SORBS2: variants seen among roughly 807,000 people sequenced by gnomAD.
SORBS2 encodes the protein sorbin and SH3 domain containing 2, also known as sorbin and SH3 domain-containing protein 2.
A neutral mutation model predicts 97.7 loss-of-function variants in SORBS2; 46 were observed. The observed-to-expected ratio is 0.47, with a 90% CI of 0.37 to 0.60. SORBS2 has a LOEUF of 0.60. Ranked by LOEUF, SORBS2 falls within the 20% of genes least tolerant of loss-of-function variation. The pLI is 0.00. For synonymous variants in SORBS2, 476 were observed against 473.4 expected (o/e 1.01, Z -0.07); for missense variants, 1,316 against 1,282.3 (o/e 1.03, Z -0.40).
chr4:185,669,652 A>T (rs1237251783), intron 4 of SORBS2, among the ~76,000 whole-genome samples: 1 of 152,190 alleles, frequency 6.6e-6, no homozygotes, highest in Non-Finnish European at 1.5e-5. Flanking sequence ...TTTCAATGCA[A>T]TCTTTGAAAG....
intron 2 of SORBS2, among the ~76,000 whole-genome samples, chr4:185,738,066 G>T (rs1432480202): frequency 6.6e-6 from 1 of 152,208 alleles, no homozygotes; most frequent in African/African-American, 2.4e-5. Flanking sequence ...ATGTTTTTGT[G>T]CTGTCCACGC....
Position 185,955,572 on chromosome 4 carries a change from T to A in SORBS2, c.-338+624A>T, listed in dbSNP as rs549921044. Among the ~76,000 whole-genome samples the A allele has an allele frequency of 8.4e-4, 128 of 152,312 alleles. 1 individual carries two copies. The highest frequency in any genetic ancestry group is 1.5e-3 in the Non-Finnish European group (104 of 68,022). On this transcript the variant is annotated intron_variant, in intron 1 of 20. Transcript: ENST00000284776. Reference sequence around the variant, plus strand: ...TCTTTTGTTACTCTAACATATTAAATTATCCTTCCAATTACCTTGGCAACT... The same window carrying A: ...TCTTTTGTTACTCTAACATATTAAAATATCCTTCCAATTACCTTGGCAACT...
chr4:185,882,363 C>A (rs2099237294), intron 1 of SORBS2, among the ~76,000 whole-genome samples: 1 of 152,008 alleles, frequency 6.6e-6, no homozygotes. Context: ...AAACAAAATT[C>A]TTAGTAAAAT....
rs549722015 is a variant in SORBS2 at position 185,708,812 on chromosome 4, C to T, written c.-197-29990G>A. 2.2e-4 allele frequency among the ~76,000 whole-genome samples: 33 copies of T among 152,298 alleles called. 3 individuals are homozygous for T. Among genetic ancestry groups the T allele is most frequent in the East Asian group, 9.6e-4 (5 of 5,184 alleles). On this transcript the variant is annotated intron_variant, in intron 2 of 20. Coordinates refer to the SORBS2 transcript ENST00000284776. The stretch of plus-strand genomic sequence containing the variant: ...CAAAAGGTGGCTCTGAAACGTGGAG[C>T]GCCTTTCCAAGATCCAAATAAAGTG...
At chr4:185,787,829 G>GAAAC (rs763455402) in intron 1 of SORBS2, among the ~76,000 whole-genome samples, 1 of 152,178 alleles carries the variant, frequency 6.6e-6, no homozygotes, top group African/African-American at 2.4e-5. Context: ...CAGGACGAGT[G>GAAAC]TTATAGTTCT....
At chr4:185,873,611 C>A (rs1257133041) in intron 1 of SORBS2, among the ~76,000 whole-genome samples, 1 of 152,136 alleles carries the variant, frequency 6.6e-6, no homozygotes, top group African/African-American at 2.4e-5. Context: ...GTAGATCAAT[C>A]ATGTAACAGC....
At chr4:185,637,148 G>T (rs563287868) in intron 4 of SORBS2, among the ~76,000 whole-genome samples, 1 of 152,194 alleles carries the variant, frequency 6.6e-6, no homozygotes, top group Non-Finnish European at 1.5e-5. Context: ...GCATAATGAC[G>T]TTTCCGTCAA....
chr4:185,701,834 G>T (rs1040574375), intron 2 of SORBS2, among the ~76,000 whole-genome samples: 1 of 150,876 alleles, frequency 6.6e-6, no homozygotes, highest in Non-Finnish European at 1.5e-5. Flanking sequence ...CAAGTGGCGT[G>T]ATCTCAGCTC....
At chr4:185,629,560 ATTTGTTTTTT>A (rs1242243510) in intron 5 of SORBS2, among the ~76,000 whole-genome samples, 1 of 134,084 alleles carries the variant, frequency 7.5e-6, no homozygotes, top group Non-Finnish European at 1.5e-5. Flanking sequence ...GAATTTTGTG[ATTTGTTTTTT>A]TTTTTTTTTT....
chr4:185,952,562 G>A (rs905086253), intron 1 of SORBS2, among the ~76,000 whole-genome samples: 3 of 152,182 alleles, frequency 2.0e-5, no homozygotes, highest in Non-Finnish European at 2.9e-5. Flanking sequence ...TTTCGTCTTT[G>A]AGAAAATCAA....
intron 2 of SORBS2, among the ~76,000 whole-genome samples, chr4:185,712,345 C>T (rs1410044922): frequency 6.6e-6 from 1 of 152,178 alleles, no homozygotes; most frequent in Non-Finnish European, 1.5e-5. Context: ...GGAAGACTAC[C>T]TACCTGCCCA....
chr4:185,749,166 G>A (rs1400779654), intron 2 of SORBS2, among the ~76,000 whole-genome samples: 1 of 152,210 alleles, frequency 6.6e-6, no homozygotes, highest in East Asian at 1.9e-4. Context: ...GGAGGGTTTG[G>A]GATGTGGATG....
intron 1 of SORBS2, among the ~76,000 whole-genome samples, chr4:185,889,002 GTCATTAT>G: frequency 6.6e-6 from 1 of 152,248 alleles, no homozygotes; most frequent in Non-Finnish European, 1.5e-5. Flanking sequence ...GGCGACTGCT[GTCATTAT>G]GCCTTGTGAG....
At position 185,939,062 on chromosome 4, in the gene SORBS2, A is replaced by T. The variant is rs1348802841; in HGVS notation, c.-338+17134T>A. Among the ~76,000 whole-genome samples, 3 of 152,210 alleles carry T rather than the reference A, an allele frequency of 2.0e-5. No homozygotes were observed. The East Asian group carries it at 5.8e-4, about 29-fold the overall frequency. Reference sequence around the variant, plus strand: ...CTAAAGGAATACTCAGTGCCTTTTTATCTTTTGTTCAGCCCTTTAACCTCT... The same window carrying T: ...CTAAAGGAATACTCAGTGCCTTTTTTTCTTTTGTTCAGCCCTTTAACCTCT... On this transcript the variant is annotated intron_variant, in intron 1 of 20. Transcript: ENST00000284776.
chr4:185,609,417 T>A (rs978381824), intron 12 of SORBS2, among the ~76,000 whole-genome samples: 1 of 152,200 alleles, frequency 6.6e-6, no homozygotes, highest in Admixed American at 6.5e-5. Flanking sequence ...ACTGCCACCA[T>A]CACCATTGCT....
chr4:185,595,311 G>C (rs1251054271), intron 12 of SORBS2, among the ~76,000 whole-genome samples: 1 of 152,126 alleles, frequency 6.6e-6, no homozygotes, highest in Non-Finnish European at 1.5e-5. Context: ...TATGACTTAA[G>C]AGTGAAATAG....
intron 2 of SORBS2, among the ~76,000 whole-genome samples, chr4:185,707,729 A>G (rs1348213457): frequency 6.6e-6 from 1 of 152,162 alleles, no homozygotes; most frequent in Non-Finnish European, 1.5e-5. Context: ...CAATCATGGC[A>G]GAAGGCAAAG....
chr4:185,849,157 C>G (rs547841462), intron 1 of SORBS2, among the ~76,000 whole-genome samples: 1 of 152,116 alleles, frequency 6.6e-6, no homozygotes, highest in Non-Finnish European at 1.5e-5. Context: ...CAGATTAGGG[C>G]TCCATCAGAC....
intron 2 of SORBS2, among the ~76,000 whole-genome samples, chr4:185,701,922 C>T (rs1255201140): frequency 6.6e-6 from 1 of 152,088 alleles, no homozygotes; most frequent in Non-Finnish European, 1.5e-5. Flanking sequence ...AGGCACGTGC[C>T]AGCACGCCCA....
Sources: gnomAD v4.1 joint callset for allele counts (sites outside exome capture counted in the v4.1 genomes callset) on GRCh38, gnomAD v4.1.1 for gene constraint, MANE v1.5 for transcripts, NCBI Gene and HGNC (gene_info 2026-07-23, HGNC 2026-07-21) for gene names.